Variants in FBXL16 observed in about 807,000 individuals in gnomAD.
FBXL16 encodes the protein F-box and leucine rich repeat protein 16.
Under a neutral mutation model 36.7 loss-of-function variants are expected in FBXL16, and 7 were observed. The observed-to-expected ratio is 0.19, with a 90% confidence interval of 0.11 to 0.36. FBXL16 has a LOEUF of 0.36. Ranked by LOEUF, FBXL16 falls within the 10% of genes least tolerant of loss-of-function variation. The probability of loss-of-function intolerance (pLI) is 1.00; values close to 1 mark genes in which losing one functional copy is unlikely to be tolerated. For missense variants in FBXL16, 463 were observed against 659.4 expected (o/e 0.70, Z 3.26); for synonymous variants, 355 against 308.7 (o/e 1.15, Z -1.57).
Position 695,745 on chromosome 16 carries a change from G to C in FBXL16, c.812C>G (p.Ala271Gly), listed in dbSNP as rs781661544. ...AAISQLLPNLAELSLQAYHVT... is the reference protein window; with the variant it reads ...AAISQLLPNLGELSLQAYHVT... Reference sequence around the variant, plus strand: ...GTGGTAGGCCTGCAGGCTCAGCTCCGCCAGGTTGGGCAGCAGCTGCGAGAT... The same window carrying C: ...GTGGTAGGCCTGCAGGCTCAGCTCCCCCAGGTTGGGCAGCAGCTGCGAGAT... Residue 271 changes from alanine to glycine, a missense_variant, in exon 3 of 6, where the codon GCG becomes GGG. By Grantham distance (60) the Ala-to-Gly change is moderately conservative (BLOSUM62 0). This residue lies in a region of FBXL16 where 66 missense variants were observed against 146.3 expected (regional missense o/e 0.45). Coordinates refer to ENST00000397621, the MANE Select transcript of FBXL16 (RefSeq NM_153350.4). The C allele has an allele frequency of 7.5e-6, 12 of 1,603,070 alleles. No homozygotes were observed. The highest frequency in any genetic ancestry group is 1.0e-5 in the Non-Finnish European group (12 of 1,177,562).
intron 1 of FBXL16, among the ~76,000 whole-genome samples, chr16:700,721 G>A (rs1348331674): frequency 6.6e-6 from 1 of 152,070 alleles, no homozygotes; most frequent in Non-Finnish European, 1.5e-5. Flanking sequence ...ACCCGGAAGC[G>A]CCGCCTTCCC....
At chr16:695,333 G>C (rs1337113843) in intron 3 of FBXL16, 82 bp downstream of exon 3, 18 of 990,526 alleles carry the variant, frequency 1.8e-5, no homozygotes, top group Non-Finnish European at 2.1e-5. Context: ...CCCCGCCCCC[G>C]GCCCCGTGCA....
Position 692,859 on chromosome 16 carries a change from G to A in FBXL16, c.*1416C>T, listed in dbSNP as rs1417925555. The A allele has an allele frequency of 6.6e-6, 1 of 152,360 alleles. No homozygotes were observed. The highest frequency in any genetic ancestry group is 1.5e-5 in the Non-Finnish European group (1 of 68,024). The allele number at this position is 152,360 out of a possible 1,614,324, so 9.4% of individuals were successfully genotyped here. ...ACTCCAGGGACAGGAAAATCTTTGG[G>A]CTGTTGATCTGTTTCTGATTCAACA... On this transcript the variant is annotated 3_prime_UTR_variant, in exon 6 of 6. Transcript: ENST00000397621.
At chr16:695,144 G>C (rs1567297678) in intron 3 of FBXL16, 68 bp from the exon 4 acceptor site, 1 of 1,500,554 alleles carries the variant, frequency 6.7e-7, no homozygotes. Flanking sequence ...CGTCTTCCTG[G>C]GAGTGCCCCT....
chr16:701,699 C>T (rs1252669084), intron 1 of FBXL16, among the ~76,000 whole-genome samples: 2 of 152,202 alleles, frequency 1.3e-5, no homozygotes, highest in African/African-American at 4.8e-5. Context: ...GCCCTCGTTC[C>T]ACCCAGAGGG....
At chr16:702,199 C>T (rs927308982) in intron 1 of FBXL16, among the ~76,000 whole-genome samples, 1 of 152,178 alleles carries the variant, frequency 6.6e-6, no homozygotes, top group Non-Finnish European at 1.5e-5. Context: ...GGCCCCTTCC[C>T]AGCCCTGATG....
intron 2 of FBXL16, among the ~76,000 whole-genome samples, 178 bp downstream of exon 2, chr16:696,595 A>G (rs560145826): frequency 8.4e-6 from 1 of 119,576 alleles, no homozygotes; most frequent in South Asian, 2.8e-4. Flanking sequence ...TGCTGCTGCC[A>G]TCTTGAAAAT....
chr16:695,348 CGCCCCGCCCCGCCCCGTGCA>C (rs1472920278), intron 3 of FBXL16, 47 bp downstream of exon 3: 1 of 1,064,342 alleles, frequency 9.4e-7, no homozygotes, highest in East Asian at 6.2e-5. Context: ...CGTGCAGCCC[CGCCCCGCCCCGCCCCGTGCA>C]GCCCCGCCCG....
chr16:705,329 A>G (rs915676410), intron 1 of FBXL16, among the ~76,000 whole-genome samples, 183 bp downstream of exon 1: 4 of 151,868 alleles, frequency 2.6e-5, no homozygotes, highest in African/African-American at 9.7e-5. Flanking sequence ...CGGGAAGGCC[A>G]GGCAGGGACC....
Position 695,017 on chromosome 16 carries a change from C to T in FBXL16, c.1202G>A (p.Ser401Asn). The change falls in exon 4 of 6, where the codon AGC (serine) becomes AAC (asparagine). Residue 401 changes from serine to asparagine, a missense_variant. Coordinates refer to ENST00000397621, the MANE Select transcript of FBXL16 (RefSeq NM_153350.4). ...SYLSTMSSLR[S>N]LYLRWCCQVQ... ...CTGGCAGCACCATCGCAGGTAGAGG[C>T]TGCGGAGGGACGACATGGTGGACAG... 6.4e-7 allele frequency: 1 copy of T among 1,565,312 alleles called. No homozygotes were observed. The highest frequency in any genetic ancestry group is 8.7e-7 in the Non-Finnish European group (1 of 1,150,528).
At chr16:704,379 T>G (rs1204073085) in intron 1 of FBXL16, among the ~76,000 whole-genome samples, 3 of 151,994 alleles carry the variant, frequency 2.0e-5, no homozygotes, top group African/African-American at 7.2e-5. Context: ...TGAGGGGCAG[T>G]TGGGGTGGCA....
At chr16:702,118 G>A (rs913092045) in intron 1 of FBXL16, among the ~76,000 whole-genome samples, 4 of 152,152 alleles carry the variant, frequency 2.6e-5, no homozygotes, top group East Asian at 1.9e-4. Context: ...ATTCCCAGAC[G>A]GCCATGTGGG....
At position 695,920 on chromosome 16, in the gene FBXL16, T is replaced by C; in HGVS notation, c.637A>G (p.Met213Val). Residue 213 changes from methionine to valine, a missense_variant, in exon 3 of 6, where the codon ATG becomes GTG. By Grantham distance (21) the Met-to-Val change is conservative. Transcript: ENST00000397621. The stretch of plus-strand genomic sequence containing the variant: ...ACCACGCCCTGCATCTGTTCAAGCA[T>C]AACCTGCAGGCGGGCGGGCGCCGGG... ...STITDAGLEV[M>V]LEQMQGVVRL... 6.3e-7 allele frequency: 1 copy of C among 1,578,540 alleles called. No homozygotes were observed. The highest frequency in any genetic ancestry group is 8.6e-7 in the Non-Finnish European group (1 of 1,157,210).
intron 1 of FBXL16, among the ~76,000 whole-genome samples, chr16:705,189 C>A (rs1471480114): frequency 6.6e-6 from 1 of 152,212 alleles, no homozygotes; most frequent in African/African-American, 2.4e-5. Flanking sequence ...GCCGACCAGG[C>A]GCCCGGGGTG....
intron 1 of FBXL16, among the ~76,000 whole-genome samples, chr16:702,167 T>C (rs7187127): frequency 0.03 from 4,566 of 152,234 alleles, 199 homozygotes; most frequent in African/African-American, 0.093. Flanking sequence ...ATCAAGTCAC[T>C]GAGCCCGGAG....
At chr16:701,678 C>T (rs2040058598) in intron 1 of FBXL16, among the ~76,000 whole-genome samples, 2 of 151,804 alleles carry the variant, frequency 1.3e-5, no homozygotes. Flanking sequence ...TCCTGCTTGG[C>T]GACTGTGAGA....
intron 1 of FBXL16, among the ~76,000 whole-genome samples, chr16:699,475 G>T: frequency 6.6e-6 from 1 of 152,158 alleles, no homozygotes; most frequent in East Asian, 1.9e-4. Context: ...CCCCACCCTG[G>T]CTCTGTGGTC....
Position 704,693 on chromosome 16 carries a change from G to A in FBXL16, c.-15+819C>T, listed in dbSNP as rs948667332. On this transcript the variant is annotated intron_variant, in intron 1 of 5. Transcript: ENST00000397621. ...AGCTGCCCCTGGCCATTGGGCCCTC[G>A]GATGCACGGGTGTGGGGGAAGGGCC... 3.3e-5 allele frequency among the ~76,000 whole-genome samples: 5 copies of A among 152,368 alleles called. No homozygotes were observed. The East Asian group carries it at 9.6e-4, about 29-fold the overall frequency.
intron 1 of FBXL16, among the ~76,000 whole-genome samples, chr16:702,473 A>G (rs1649555130): frequency 6.6e-6 from 1 of 152,192 alleles, no homozygotes; most frequent in African/African-American, 2.4e-5. Flanking sequence ...TCTTGAGGAC[A>G]GACAGCACCA....
Sources: gnomAD v4.1 joint callset for allele counts (sites outside exome capture counted in the v4.1 genomes callset) on GRCh38, gnomAD v4.1.1 for gene constraint, gnomAD v4.1.1 regional missense constraint, MANE v1.5 for transcripts, NCBI Gene and HGNC (gene_info 2026-07-23, HGNC 2026-07-21) for gene names.